The following ZNF804A variants were observed in gnomAD, a reference collection of about 807,000 sequenced individuals.
The protein encoded by ZNF804A is zinc finger protein 804A.
In ZNF804A, 2 loss-of-function variants were observed where a neutral mutation model predicts 16.5. The observed-to-expected ratio is 0.12, with a 90% CI of 0.05 to 0.38. The LOEUF (loss-of-function observed/expected upper bound fraction) is 0.38, where lower values mean the gene tolerates loss of function less well. ZNF804A is among the 10% of genes least tolerant of loss of function. The pLI is 0.99. For missense variants in ZNF804A, 1,473 were observed against 1,390.7 expected, an observed-to-expected ratio of 1.06 and a Z score of -0.94; for synonymous variants, 534 against 489.6, an observed-to-expected ratio of 1.09 and a Z score of -1.20.
intron 1 of ZNF804A, among the ~76,000 whole-genome samples, chr2:184,691,541 C>A (rs886829966): frequency 1.1e-4 from 17 of 151,466 alleles, no homozygotes; most frequent in African/African-American, 3.1e-4. Flanking sequence ...ATACATAAAC[C>A]TTTATGTAAA....
intron 1 of ZNF804A, among the ~76,000 whole-genome samples, chr2:184,614,317 A>G (rs1184372430): frequency 1.3e-5 from 2 of 152,198 alleles, no homozygotes; most frequent in African/African-American, 4.8e-5. Context: ...ATAAGACCTA[A>G]AACCATAAAA....
chr2:184,699,707 T>C (rs1381428318), intron 1 of ZNF804A, among the ~76,000 whole-genome samples: 3 of 151,950 alleles, frequency 2.0e-5, no homozygotes, highest in African/African-American at 4.8e-5. Context: ...AAATAGAAAA[T>C]TAAAAATAAT....
intron 1 of ZNF804A, among the ~76,000 whole-genome samples, chr2:184,810,755 G>T (rs1011780709): frequency 2.6e-5 from 4 of 152,044 alleles, no homozygotes; most frequent in African/African-American, 4.8e-5. Context: ...CTCCCAAAGT[G>T]CTGGGATTAT....
chr2:184,875,924 T>C (rs879640105), intron 2 of ZNF804A, among the ~76,000 whole-genome samples: 3 of 152,142 alleles, frequency 2.0e-5, no homozygotes, highest in Non-Finnish European at 2.9e-5. Context: ...GTAAGAGATT[T>C]GTCACACTGA....
chr2:184,717,188 A>T (rs2105740127), intron 1 of ZNF804A, among the ~76,000 whole-genome samples: 1 of 152,296 alleles, frequency 6.6e-6, no homozygotes, highest in African/African-American at 2.4e-5. Flanking sequence ...GCTTCTTAAA[A>T]TTAGTTTTTG....
intron 2 of ZNF804A, among the ~76,000 whole-genome samples, chr2:184,930,898 A>G (rs1159802601): frequency 6.6e-6 from 1 of 152,340 alleles, no homozygotes; most frequent in South Asian, 2.1e-4. Context: ...TAATAAAGAC[A>G]TACCAGAAAC....
rs371129139 is a variant in ZNF804A at position 184,841,936 on chromosome 2, G to A, written c.112-24433G>A. ...CCCAGGCAAATAATCCTTCCCCTTC[G>A]TGTCTTGTTTTTATCATATGTAAAA... On this transcript the variant is annotated intron_variant, in intron 1 of 3. Coordinates refer to ENST00000302277, the MANE Select transcript of ZNF804A (RefSeq NM_194250.2). Among the ~76,000 whole-genome samples, 55 of 152,110 alleles carry A rather than the reference G, an allele frequency of 3.6e-4. No individual in the cohort carries two copies. The Middle Eastern group carries it at 0.01, about 28-fold the overall frequency.
At chr2:184,783,925 A>G (rs1021047488) in intron 1 of ZNF804A, among the ~76,000 whole-genome samples, 1 of 152,052 alleles carries the variant, frequency 6.6e-6, no homozygotes, top group African/African-American at 2.4e-5. Context: ...ATGCCATAAA[A>G]TAATTTTAAG....
At chr2:184,903,852 T>A (rs1685227860) in intron 2 of ZNF804A, among the ~76,000 whole-genome samples, 1 of 152,170 alleles carries the variant, frequency 6.6e-6, no homozygotes, top group African/African-American at 2.4e-5. Context: ...TCATTCCTAC[T>A]TTTTTTCTTT....
At chr2:184,670,653 TTTC>T (rs1692327192) in intron 1 of ZNF804A, among the ~76,000 whole-genome samples, 1 of 152,126 alleles carries the variant, frequency 6.6e-6, no homozygotes. Context: ...AATTCAATAT[TTTC>T]TTATTTGTAT....
intron 1 of ZNF804A, among the ~76,000 whole-genome samples, chr2:184,781,205 A>G (rs1419535895): frequency 6.6e-6 from 1 of 151,680 alleles, no homozygotes; most frequent in African/African-American, 2.4e-5. Context: ...CATGCATATG[A>G]TTGTGCACAA....
At chr2:184,908,704 A>T (rs964214245) in intron 2 of ZNF804A, among the ~76,000 whole-genome samples, 4 of 152,136 alleles carry the variant, frequency 2.6e-5, no homozygotes, top group African/African-American at 9.7e-5. Flanking sequence ...AAAAGATGAA[A>T]CAGTATATAA....
intron 2 of ZNF804A, among the ~76,000 whole-genome samples, chr2:184,923,671 A>C (rs1685566544): frequency 6.6e-6 from 1 of 151,990 alleles, no homozygotes; most frequent in African/African-American, 2.4e-5. Context: ...ATTCAGTACG[A>C]TACTAGCTGT....
chr2:184,779,251 A>T (rs2105772794), intron 1 of ZNF804A, among the ~76,000 whole-genome samples: 1 of 151,618 alleles, frequency 6.6e-6, no homozygotes, highest in Non-Finnish European at 1.5e-5. Context: ...TTGGCCTCTC[A>T]TCTGTGATTT....
chr2:184,820,417 C>T (rs761241227), intron 1 of ZNF804A, among the ~76,000 whole-genome samples: 7 of 152,048 alleles, frequency 4.6e-5, no homozygotes, highest in Non-Finnish European at 8.8e-5. Context: ...GAATATACCT[C>T]AAAATAATAA....
chr2:184,740,313 T>C (rs1028574379), intron 1 of ZNF804A, among the ~76,000 whole-genome samples: 3 of 152,176 alleles, frequency 2.0e-5, no homozygotes, highest in African/African-American at 7.2e-5. Context: ...ATATTTATGG[T>C]CACAATAATA....
intron 1 of ZNF804A, among the ~76,000 whole-genome samples, chr2:184,848,558 A>C (rs1476721455): frequency 1.3e-5 from 2 of 152,134 alleles, no homozygotes; most frequent in Non-Finnish European, 2.9e-5. Context: ...ATCTGCAAGA[A>C]GTGAACAAGT....
intron 1 of ZNF804A, among the ~76,000 whole-genome samples, chr2:184,839,367 C>G (rs183522812): frequency 1.3e-5 from 2 of 151,858 alleles, no homozygotes; most frequent in Non-Finnish European, 2.9e-5. Flanking sequence ...TTTGGGGATT[C>G]GTATGCAATT....
chr2:184,660,458 T>C (rs1692154565), intron 1 of ZNF804A, among the ~76,000 whole-genome samples: 1 of 152,190 alleles, frequency 6.6e-6, no homozygotes, highest in Non-Finnish European at 1.5e-5. Context: ...GAAACAGATA[T>C]TTCAAATATT....
Sources: allele counts gnomAD v4.1 joint callset (sites outside exome capture counted in the v4.1 genomes callset), GRCh38; gene constraint gnomAD v4.1.1; transcripts MANE v1.5; gene names NCBI Gene and HGNC (gene_info 2026-07-23, HGNC 2026-07-21).